Variants in ATP10A observed in about 807,000 individuals in gnomAD.
ATP10A encodes the protein phospholipid-transporting ATPase VA.
ATP10A carries 111 observed loss-of-function variants against 147.8 expected under a neutral mutation model. The observed-to-expected ratio is 0.75, with a 90% CI of 0.64 to 0.88. ATP10A has a LOEUF of 0.88. Among genes scored for constraint, ATP10A ranks in the 40% least tolerant of loss-of-function variants. ATP10A has a pLI of 0.00. For synonymous variants in ATP10A, 875 were observed against 841.6 expected (o/e 1.04, Z -0.69); for missense variants, 1,927 against 1,959.0 (o/e 0.98, Z 0.31).
intron 2 of ATP10A, among the ~76,000 whole-genome samples, chr15:25,742,958 G>C (rs371728253): frequency 6.6e-6 from 1 of 152,224 alleles, no homozygotes; most frequent in South Asian, 2.1e-4. Flanking sequence ...CACTACAGGT[G>C]GGGGTGATGG....
intron 2 of ATP10A, among the ~76,000 whole-genome samples, chr15:25,780,575 G>A (rs1000372468): frequency 1.3e-5 from 2 of 152,202 alleles, no homozygotes; most frequent in African/African-American, 2.4e-5. Flanking sequence ...GGGCACACCA[G>A]AGGCAGGATT....
At chr15:25,737,154 C>T (rs1409304411) in intron 2 of ATP10A, among the ~76,000 whole-genome samples, 1 of 152,208 alleles carries the variant, frequency 6.6e-6, no homozygotes, top group African/African-American at 2.4e-5. Context: ...TTTTAAAAGG[C>T]TCTTCTTGGA....
At chr15:25,711,224 G>T (rs1901396441) in intron 10 of ATP10A, among the ~76,000 whole-genome samples, 1 of 152,050 alleles carries the variant, frequency 6.6e-6, no homozygotes, top group Non-Finnish European at 1.5e-5. Context: ...GGCCTCTTCT[G>T]GTGAAAGTGT....
chr15:25,860,201 G>GAGAACATGAGAACATGTTCTCA (rs1893695766), intron 1 of ATP10A, among the ~76,000 whole-genome samples: 1 of 152,078 alleles, frequency 6.6e-6, no homozygotes, highest in Admixed American at 6.6e-5. Flanking sequence ...TCTGTGCCAT[G>GAGAACATGAGAACATGTTCTCA]ACCCTGTCCA....
intron 12 of ATP10A, among the ~76,000 whole-genome samples, chr15:25,703,745 G>T (rs1274938248): frequency 6.6e-6 from 1 of 152,204 alleles, no homozygotes; most frequent in East Asian, 1.9e-4. Flanking sequence ...TGAACTTAGG[G>T]GGCAGAACAT....
At chr15:25,727,834 G>C (rs192847637) in intron 3 of ATP10A, among the ~76,000 whole-genome samples, 5 of 152,340 alleles carry the variant, frequency 3.3e-5, no homozygotes, top group Non-Finnish European at 5.9e-5. Context: ...CTGCTATTTA[G>C]ATCCAGAGGG....
chr15:25,682,111 T>C (rs927931925), intron 17 of ATP10A, among the ~76,000 whole-genome samples: 1 of 149,608 alleles, frequency 6.7e-6, no homozygotes, highest in African/African-American at 2.5e-5. Flanking sequence ...CCAGGGAACA[T>C]GTCTCTCAAG....
chr15:25,790,910 C>T lies in ATP10A; in HGVS notation c.450-9687G>A, dbSNP rs80190737. Among the ~76,000 whole-genome samples the T allele has an allele frequency of 9.6e-3, 1,468 of 152,224 alleles. 16 individuals carry two copies. Among genetic ancestry groups the T allele is most frequent in the Non-Finnish European group, 0.014 (937 of 68,018 alleles). ...AATTCATTCATTGGTATGACAATCCCAGGAAATGGGCCGGAGTTGTGCGCT... is the reference window on the plus strand; with the variant it reads ...AATTCATTCATTGGTATGACAATCCTAGGAAATGGGCCGGAGTTGTGCGCT... On this transcript the variant is annotated intron_variant, in intron 1 of 20. Transcript: ENST00000555815.
intron 1 of ATP10A, among the ~76,000 whole-genome samples, chr15:25,791,997 T>C (rs1890447925): frequency 6.6e-6 from 1 of 151,034 alleles, no homozygotes; most frequent in Non-Finnish European, 1.5e-5. Context: ...TGCAGAGTAT[T>C]TTTTTTTTAA....
chr15:25,694,311 C>G (rs1286324086), intron 14 of ATP10A, among the ~76,000 whole-genome samples: 2 of 152,272 alleles, frequency 1.3e-5, no homozygotes, highest in Non-Finnish European at 2.9e-5. Flanking sequence ...GACTTATTTA[C>G]TCAGAAGCCT....
chr15:25,693,169 G>C (rs1292358470), intron 14 of ATP10A, among the ~76,000 whole-genome samples: 2 of 151,970 alleles, frequency 1.3e-5, no homozygotes, highest in Non-Finnish European at 2.9e-5. Flanking sequence ...CTGCAGGTGT[G>C]TGCCACCACA....
intron 2 of ATP10A, among the ~76,000 whole-genome samples, chr15:25,747,423 G>C (rs1432449048): frequency 1.3e-5 from 2 of 151,646 alleles, no homozygotes; most frequent in Non-Finnish European, 2.9e-5. Context: ...AAATTAATGA[G>C]CTAGGCACAA....
At chr15:25,827,845 C>G (rs1174298310) in intron 1 of ATP10A, among the ~76,000 whole-genome samples, 1 of 151,982 alleles carries the variant, frequency 6.6e-6, no homozygotes. Context: ...AATTAAGAGG[C>G]AGAACTGACA....
intron 2 of ATP10A, among the ~76,000 whole-genome samples, chr15:25,737,159 C>G (rs1351571873): frequency 1.3e-5 from 2 of 152,230 alleles, no homozygotes; most frequent in African/African-American, 2.4e-5. Flanking sequence ...AAAGGCTCTT[C>G]TTGGAGTGTA....
At chr15:25,704,762 C>A (rs1443476030) in intron 12 of ATP10A, among the ~76,000 whole-genome samples, 2 of 152,232 alleles carry the variant, frequency 1.3e-5, no homozygotes, top group Non-Finnish European at 2.9e-5. Flanking sequence ...ATTTGGGGCA[C>A]AGCGGCTTTC....
intron 1 of ATP10A, among the ~76,000 whole-genome samples, chr15:25,816,238 T>TG (rs1596944729): frequency 2.0e-5 from 1 of 49,482 alleles, no homozygotes; most frequent in South Asian, 6.1e-4. Context: ...TATTTTGCTT[T>TG]GTTTTTTTTG....
intron 1 of ATP10A, among the ~76,000 whole-genome samples, chr15:25,831,929 C>A (rs528055648): frequency 6.6e-6 from 1 of 152,286 alleles, no homozygotes; most frequent in Admixed American, 6.5e-5. Context: ...AATTCATGTC[C>A]ATCTGGAACC....
chr15:25,784,548 G>A (rs147265682), intron 1 of ATP10A, among the ~76,000 whole-genome samples: 3 of 152,300 alleles, frequency 2.0e-5, no homozygotes, highest in East Asian at 1.9e-4. Flanking sequence ...GGGGTGCCAC[G>A]TGCAGACCTC....
chr15:25,786,543 G>A (rs1890166513), intron 1 of ATP10A, among the ~76,000 whole-genome samples: 2 of 151,348 alleles, frequency 1.3e-5, no homozygotes, highest in African/African-American at 2.4e-5. Context: ...TAAGAGCTTG[G>A]GACAGGTCTT....
Sources: allele counts gnomAD v4.1 joint callset (sites outside exome capture counted in the v4.1 genomes callset), GRCh38; gene constraint gnomAD v4.1.1; transcripts MANE v1.5; gene names NCBI Gene and HGNC (gene_info 2026-07-23, HGNC 2026-07-21).